Variants in SPATA19 observed in about 807,000 individuals in gnomAD.
SPATA19 encodes spermatogenesis associated 19.
SPATA19 carries 19 observed loss-of-function variants against 25.0 expected under a neutral mutation model. The observed-to-expected ratio is 0.76, with a 90% CI of 0.53 to 1.11. The LOEUF (loss-of-function observed/expected upper bound fraction) is 1.11, where lower values mean the gene tolerates loss of function less well. Among genes scored for constraint, SPATA19 ranks in the 50% most tolerant of loss-of-function variants. SPATA19 has a pLI of 0.00. For synonymous variants in SPATA19, 64 were observed against 69.3 expected, an observed-to-expected ratio of 0.92 and a Z score of 0.38; for missense variants, 222 against 211.4, an observed-to-expected ratio of 1.05 and a Z score of -0.31.
At chr11:133,844,410 G>C in intron 3 of SPATA19, 73 bp from the exon 4 acceptor site, 2 of 1,610,044 alleles carry the variant, frequency 1.2e-6, no homozygotes, top group Admixed American at 1.7e-5. Context: ...GAGCCCAGAC[G>C]AGCACCTCAC....
At position 133,842,582 on chromosome 11, in the gene SPATA19, C is replaced by T. The variant is rs777810214; in HGVS notation, c.360-20G>A. The T allele has an allele frequency of 1.9e-6, 3 of 1,583,836 alleles. No homozygotes were observed. In the South Asian group the frequency reaches 3.3e-5, roughly 18 times the overall value. ...GTGTGGCTGCAAAAGGCCATTCGTA[C>T]ATTGGCATATGGGATCTGAGTTTCT... is the stretch of plus-strand genomic sequence containing the variant. On this transcript the variant is annotated intron_variant, in intron 4 of 6. Coordinates refer to ENST00000299140, the MANE Select transcript of SPATA19 (RefSeq NM_174927.3).
At chr11:133,839,461 C>T (rs1012028466), downstream of SPATA19, among the ~76,000 whole-genome samples, 4 of 146,748 alleles carry the variant, frequency 2.7e-5, no homozygotes, top group African/African-American at 1.0e-4. Flanking sequence ...TGTCCTCACT[C>T]ATAGGTGGGA....
intron 1 of SPATA19, 81 bp downstream of exon 1, chr11:133,845,288 C>T: frequency 7.4e-7 from 1 of 1,348,348 alleles, no homozygotes; most frequent in South Asian, 1.2e-5. Context: ...TTTGTAAGAT[C>T]TCTATGAAGT....
chr11:133,841,949 A>G lies in SPATA19; in HGVS notation c.*9+81T>C. ...AGGGAAAAGCTAAGCCTCTTTACCA[A>G]GTTCCCAGCTGCAGTGCCCCTTCCC... On this transcript the variant is annotated intron_variant, in intron 6 of 6. Coordinates refer to ENST00000299140, the MANE Select transcript of SPATA19 (RefSeq NM_174927.3). 3 of 1,339,594 alleles carry G rather than the reference A, an allele frequency of 2.2e-6. No individual in the cohort carries two copies. The South Asian group carries it at 3.5e-5, about 16-fold the overall frequency. 83.0% of individuals were successfully genotyped at this position (1,339,594 alleles called of 1,614,324 possible).
In SPATA19 at chr11:133,845,395, G is replaced by GC; in HGVS notation, c.51dup (p.Leu18AlafsTer12). 1 of 1,613,692 alleles carries GC rather than the reference G, an allele frequency of 6.2e-7. No individual in the cohort carries two copies. The highest frequency in any genetic ancestry group is 8.5e-7 in the Non-Finnish European group (1 of 1,179,594). ...GAACTGGTTATTGGTAGGAAGGGAA[G>GC]CCCTACACCTTTCCGAGCAAGAATA... On this transcript the variant is annotated frameshift_variant, in exon 1 of 7. Transcript: ENST00000299140. LOFTEE classifies it high-confidence loss of function.
chr11:133,837,811 AAATT>A (rs142132716), downstream of SPATA19, among the ~76,000 whole-genome samples: 2,852 of 152,318 alleles, frequency 0.019, 56 homozygotes, highest in African/African-American at 0.05. Flanking sequence ...ATATTGTGTT[AAATT>A]ATTATATAAT....
chr11:133,836,303 T>A (rs1938211519), downstream of SPATA19, among the ~76,000 whole-genome samples: 1 of 152,092 alleles, frequency 6.6e-6, no homozygotes, highest in Non-Finnish European at 1.5e-5. Flanking sequence ...CCTACCTTAC[T>A]GGAGCATGCA....
chr11:133,842,215 G>A (rs71477456), intron 5 of SPATA19, 110 bp from the exon 6 acceptor site: 52,963 of 1,119,548 alleles, frequency 0.047, 1,438 homozygotes, highest in Middle Eastern at 0.078. Flanking sequence ...TGCCTAGGCC[G>A]TGGCCACACT....
At chr11:133,842,765 T>C (rs761117491) in intron 4 of SPATA19, among the ~76,000 whole-genome samples, 3 of 152,092 alleles carry the variant, frequency 2.0e-5, no homozygotes, top group Non-Finnish European at 4.4e-5. Context: ...CCAGTAATGC[T>C]GAACAGGTAG....
chr11:133,844,459 C>T (rs1435316342), intron 3 of SPATA19, 50 bp downstream of exon 3: 2 of 1,613,738 alleles, frequency 1.2e-6, no homozygotes, highest in Non-Finnish European at 1.7e-6. Flanking sequence ...TCCCACCTCT[C>T]CCCTCTCCCT....
chr11:133,839,005 G>T (rs568308460), downstream of SPATA19, among the ~76,000 whole-genome samples: 1 of 152,218 alleles, frequency 6.6e-6, no homozygotes, highest in Non-Finnish European at 1.5e-5. Context: ...CAGTTAGAAT[G>T]GTGATCATTA....
chr11:133,841,738 C>T (rs945560151), intron 6 of SPATA19, among the ~76,000 whole-genome samples: 1 of 152,210 alleles, frequency 6.6e-6, no homozygotes, highest in African/African-American at 2.4e-5. Flanking sequence ...CCACCACAAC[C>T]TCCTAAACAC....
At chr11:133,842,641 G>T in intron 4 of SPATA19, 79 bp from the exon 5 acceptor site, 1 of 1,102,230 alleles carries the variant, frequency 9.1e-7, no homozygotes, top group Non-Finnish European at 1.4e-6. Flanking sequence ...CTAGAGATGG[G>T]ATCCTGCAAA....
intron 5 of SPATA19, 54 bp downstream of exon 5, chr11:133,842,431 C>CA: frequency 1.4e-6 from 2 of 1,439,842 alleles, no homozygotes; most frequent in Non-Finnish European, 2.0e-6. Flanking sequence ...CAGTCACCCC[C>CA]ACCCTACCTG....
Position 133,843,816 on chromosome 11 carries a change from C to T in SPATA19, c.359+430G>A, listed in dbSNP as rs568084143. Among the ~76,000 whole-genome samples the T allele has an allele frequency of 1.2e-4, 19 of 152,328 alleles. No homozygotes were observed. The South Asian group carries it at 3.1e-3, about 25-fold the overall frequency. On this transcript the variant is annotated intron_variant, in intron 4 of 6. Coordinates refer to ENST00000299140, the MANE Select transcript of SPATA19 (RefSeq NM_174927.3). Reference sequence around the variant, plus strand: ...GCTGTGAGCTGGCAGGCACCCGGGACGCTGGCGAAGCCACCATAACCGAGT... The same window carrying T: ...GCTGTGAGCTGGCAGGCACCCGGGATGCTGGCGAAGCCACCATAACCGAGT...
downstream of SPATA19, among the ~76,000 whole-genome samples, chr11:133,836,126 GC>G (rs1938207987): frequency 6.6e-6 from 1 of 152,034 alleles, no homozygotes; most frequent in Admixed American, 6.5e-5. Context: ...CCTCCCCCAT[GC>G]CCCCTCTCAC....
At chr11:133,842,660 C>G (rs747870896) in intron 4 of SPATA19, 98 bp from the exon 5 acceptor site, 1 of 939,008 alleles carries the variant, frequency 1.1e-6, no homozygotes, top group Non-Finnish European at 1.7e-6. Context: ...AACAATGACT[C>G]TTGCCCTGAC....
In SPATA19 at chr11:133,842,526, T is replaced by G. The variant is rs1171569228; in HGVS notation, c.396A>C (p.Thr132=). 5.0e-6 allele frequency: 8 copies of G among 1,613,988 alleles called. No homozygotes were observed. The highest frequency in any genetic ancestry group is 5.9e-6 in the Non-Finnish European group (7 of 1,180,004). ...CTATTCGATCTCGCATGATGTCCTC[T>G]GTCATCTCACTTGGCACTTGGAAGA... ...TRIFQVPSEM[T]EDIMRDRIEQ... The change falls in exon 5 of 7, where the codon ACA becomes ACC. Residue 132 remains threonine (T), a synonymous_variant. Coordinates refer to ENST00000299140, the MANE Select transcript of SPATA19 (RefSeq NM_174927.3).
chr11:133,845,506 ACTC>A lies in SPATA19; in HGVS notation c.-63_-61del. 1 of 1,570,874 alleles carries A rather than the reference ACTC, an allele frequency of 6.4e-7. No individual in the cohort carries two copies. The highest frequency in any genetic ancestry group is 1.1e-5 in the South Asian group (1 of 89,488). The stretch of plus-strand genomic sequence containing the variant: ...CTCCTTCCATTGAAGCTGCCTGAGA[ACTC>A]CTATGGGACAGGAAGGTCATTGAAG... On this transcript the variant is annotated 5_prime_UTR_variant, in exon 1 of 7. Transcript: ENST00000299140.
Sources: allele counts gnomAD v4.1 joint callset (sites outside exome capture counted in the v4.1 genomes callset), GRCh38; gene constraint gnomAD v4.1.1; transcripts MANE v1.5; gene names NCBI Gene and HGNC (gene_info 2026-07-23, HGNC 2026-07-21).